TTC14: variants seen among roughly 807,000 people sequenced by gnomAD.
The protein encoded by TTC14 is tetratricopeptide repeat domain 14.
A neutral mutation model predicts 79.9 loss-of-function variants in TTC14; 63 were observed. The ratio of observed to expected loss-of-function variants is 0.79; its 90% CI spans 0.64 to 0.97. The LOEUF is 0.97. Ranked by LOEUF, TTC14 falls within the 50% of genes least tolerant of loss-of-function variation. The pLI is 0.00. For synonymous variants in TTC14, 335 were observed against 309.6 expected (o/e 1.08, Z -0.86); for missense variants, 895 against 894.0 (o/e 1.00, Z -0.01).
intron 9 of TTC14, 75 bp downstream of exon 9, chr3:180,606,678 A>C: frequency 6.7e-7 from 1 of 1,498,602 alleles, no homozygotes; most frequent in Non-Finnish European, 9.0e-7. Flanking sequence ...ACTTAAGGAA[A>C]TAGTTTCTTA....
downstream of TTC14, chr3:180,614,084 A>G (rs1024597944): frequency 3.0e-5 from 7 of 230,618 alleles, no homozygotes; most frequent in African/African-American, 1.4e-4. Context: ...AGTGTTGGGC[A>G]CATGTTATAA....
At chr3:180,615,549 T>C (rs1300434073), downstream of TTC14, among the ~76,000 whole-genome samples, 1 of 152,142 alleles carries the variant, frequency 6.6e-6, no homozygotes, top group African/African-American at 2.4e-5. Context: ...GTTTTAAATA[T>C]ATATTTTATG....
At chr3:180,603,503 A>G (rs150237500) in intron 3 of TTC14, 180 bp downstream of exon 3, 132 of 609,338 alleles carry the variant, frequency 2.2e-4, no homozygotes, top group African/African-American at 2.1e-3. Context: ...TTCTCCCTCC[A>G]TTTCTGGTTT....
Position 180,602,192 on chromosome 3 carries a change from C to T in TTC14, c.-70C>T, listed in dbSNP as rs756675796. 1 of 1,572,182 alleles carries T rather than the reference C, an allele frequency of 6.4e-7. No homozygotes were observed. Among genetic ancestry groups the T allele is most frequent in the Non-Finnish European group, 8.6e-7 (1 of 1,157,340 alleles). ...AGTTTCTTCCGCTTCCTGTACCACC[C>T]GGCTCAAGTAGCGGACACGGAACAG... On this transcript the variant is annotated 5_prime_UTR_variant, in exon 1 of 12. Coordinates refer to ENST00000296015, the MANE Select transcript of TTC14 (RefSeq NM_133462.4).
chr3:180,604,548 A>G lies in TTC14; in HGVS notation c.642A>G (p.Pro214=). The stretch of plus-strand genomic sequence containing the variant: ...CTCTGTATAGCTCTTCTCTTCCACC[A>G]CACCTATCTGGTATTAAATTAGGTG... ...AVSLYSSSLP[P]HLSGIKLGVI... Residue 214 remains proline (P), a synonymous_variant, in exon 5 of 12, where the codon CCA becomes CCG. Transcript: ENST00000296015. The G allele has an allele frequency of 2.5e-6, 4 of 1,611,208 alleles. No homozygotes were observed. The highest frequency in any genetic ancestry group is 3.4e-6 in the Non-Finnish European group (4 of 1,178,864).
At chr3:180,616,560 C>T in intron 12 of TTC14, 1 of 1,596,974 alleles carries the variant, frequency 6.3e-7, no homozygotes, top group Non-Finnish European at 8.5e-7. Flanking sequence ...TCAGTATTTT[C>T]TTCTATGATA....
At chr3:180,616,751 T>A in intron 12 of TTC14, 18 of 1,575,130 alleles carry the variant, frequency 1.1e-5, no homozygotes, top group Non-Finnish European at 1.6e-5. Flanking sequence ...AATTTAATAT[T>A]TTTAATAGAT....
At chr3:180,606,716 T>A in intron 9 of TTC14, 113 bp downstream of exon 9, 1 of 1,241,630 alleles carries the variant, frequency 8.1e-7, no homozygotes, top group Non-Finnish European at 1.1e-6. Context: ...ACTCTTGGTT[T>A]CAATAAATAA....
chr3:180,609,313 T>G, intron 11 of TTC14: 2 of 991,444 alleles, frequency 2.0e-6, no homozygotes, highest in African/African-American at 3.6e-5. Context: ...GAAGAAACCA[T>G]GAACTAGAGG....
rs761709764 is a variant in TTC14 at position 180,602,969 on chromosome 3, G to A, written c.240G>A (p.Trp80Ter). Residue 80 changes from tryptophan (W) to a stop codon, truncating the protein, a stop_gained, in exon 2 of 12, where the codon TGG (tryptophan) becomes TGA (stop). Coordinates refer to ENST00000296015, the MANE Select transcript of TTC14 (RefSeq NM_133462.4). LOFTEE classifies it high-confidence loss of function. ...CGGATCTGCTTTTTGCACTTTCCTGGAAATCAGATGCACCTGCAACTTCTG... is the reference window on the plus strand; with the variant it reads ...CGGATCTGCTTTTTGCACTTTCCTGAAAATCAGATGCACCTGCAACTTCTG... Reference protein sequence around the residue: ...KKADLLFALSWKSDAPATSEI... With the variant: ...KKADLLFALS 6.2e-7 allele frequency: 1 copy of A among 1,613,950 alleles called. No individual in the cohort carries two copies. Among genetic ancestry groups the A allele is most frequent in the Non-Finnish European group, 8.5e-7 (1 of 1,179,988 alleles).
chr3:180,603,634 A>T (rs1444811448), intron 3 of TTC14: 1 of 318,258 alleles, frequency 3.1e-6, no homozygotes, highest in Non-Finnish European at 5.9e-6. Flanking sequence ...GTAGTTGAAC[A>T]TATGTATTCT....
chr3:180,609,646 A>G lies in TTC14; in HGVS notation c.1417A>G (p.Arg473Gly). 6.4e-7 allele frequency: 1 copy of G among 1,561,192 alleles called. No homozygotes were observed. The highest frequency in any genetic ancestry group is 1.4e-5 in the African/African-American group (1 of 72,518). Residue 473 changes from arginine (R) to glycine (G), a missense_variant, in exon 12 of 12, where the codon AGA becomes GGA. Arg to Gly is a moderately radical substitution (Grantham distance 125). Coordinates refer to ENST00000296015, the MANE Select transcript of TTC14 (RefSeq NM_133462.4). ...KEEKRLKKKR[R>G]KSTSSSSVSS... The stretch of plus-strand genomic sequence containing the variant: ...TTTTTTTAGGCTAAAGAAGAAAAGA[A>G]GAAAATCAACTTCTTCTTCAAGTGT...
intron 12 of TTC14, chr3:180,616,725 T>G: frequency 6.4e-7 from 1 of 1,572,284 alleles, no homozygotes; most frequent in South Asian, 1.2e-5. Flanking sequence ...AATTATTCTA[T>G]AAACGTGTTT....
In TTC14 at chr3:180,610,642, A is replaced by G. The variant is rs1716953103; in HGVS notation, c.*100A>G. The stretch of plus-strand genomic sequence containing the variant: ...GAGTGCAGAAATCTCTGCTTCTAAA[A>G]TTATTTGTAGAGATTACAGGAAACA... On this transcript the variant is annotated 3_prime_UTR_variant, in exon 12 of 12. Transcript: ENST00000296015. 1 of 1,479,162 alleles carries G rather than the reference A, an allele frequency of 6.8e-7. No homozygotes were observed. The highest frequency in any genetic ancestry group is 8.9e-7 in the Non-Finnish European group (1 of 1,120,318). 91.6% of individuals were successfully genotyped at this position (1,479,162 alleles called of 1,614,324 possible).
downstream of TTC14, among the ~76,000 whole-genome samples, chr3:180,615,900 T>C (rs1370193951): frequency 1.3e-5 from 2 of 152,206 alleles, no homozygotes; most frequent in African/African-American, 4.8e-5. Context: ...ACAAAAATCA[T>C]ATTCTATATG....
intron 7 of TTC14, 105 bp from the exon 8 acceptor site, chr3:180,606,148 A>AT (rs1716670256): frequency 4.7e-6 from 7 of 1,497,864 alleles, no homozygotes; most frequent in Non-Finnish European, 6.3e-6. Flanking sequence ...AAAACTAAAT[A>AT]TTTTGCCAAG....
rs1165066101 is a variant in TTC14 at position 180,610,180 on chromosome 3, A to G, written c.1951A>G (p.Ile651Val). ...TGGTTATAGGAGATTTGAAAAGGAT[A>G]TAGAGGGAAGAAAAGAGCACTATAG... ...IYGYRRFEKD[I>V]EGRKEHYRRW... is the part of the protein sequence containing the mutation. The change falls in exon 12 of 12, where the codon ATA becomes GTA. Residue 651 changes from isoleucine (I) to valine (V), a missense_variant. Transcript: ENST00000296015. The G allele has an allele frequency of 6.2e-7, 1 of 1,613,730 alleles. No homozygotes were observed. The highest frequency in any genetic ancestry group is 8.5e-7 in the Non-Finnish European group (1 of 1,179,890).
downstream of TTC14, among the ~76,000 whole-genome samples, chr3:180,613,123 G>A (rs572336755): frequency 7.9e-5 from 12 of 152,244 alleles, no homozygotes; most frequent in Non-Finnish European, 1.3e-4. Flanking sequence ...TTAGGTAGGC[G>A]CAAAAGTAAT....
chr3:180,608,911 C>T, intron 11 of TTC14, 101 bp downstream of exon 11: 1 of 1,269,284 alleles, frequency 7.9e-7, no homozygotes, highest in East Asian at 3.2e-5. Context: ...GAAAGTATTT[C>T]AAGTGCCAAT....
Sources: allele counts gnomAD v4.1 joint callset (sites outside exome capture counted in the v4.1 genomes callset), GRCh38; gene constraint gnomAD v4.1.1; transcripts MANE v1.5; gene names NCBI Gene and HGNC (gene_info 2026-07-23, HGNC 2026-07-21).